Variants in BRDT observed in about 807,000 individuals in gnomAD.
BRDT encodes the protein bromodomain testis associated.
A neutral mutation model predicts 113.9 loss-of-function variants in BRDT; 77 were observed. The observed-to-expected ratio is 0.68, with a 90% CI of 0.56 to 0.82. BRDT has a LOEUF of 0.82. Among genes scored for constraint, BRDT ranks in the 40% least tolerant of loss-of-function variants. The pLI is 0.00. For synonymous variants in BRDT, 358 were observed against 366.5 expected, an observed-to-expected ratio of 0.98 and a Z score of 0.26; for missense variants, 1,027 against 1,105.4, an observed-to-expected ratio of 0.93 and a Z score of 1.01.
intron 4 of BRDT, among the ~76,000 whole-genome samples, chr1:91,969,172 C>T (rs7544958): frequency 0.045 from 6,879 of 151,906 alleles, 180 homozygotes; most frequent in Non-Finnish European, 0.06. Context: ...GATCTCCTGA[C>T]GTCGTGATCT....
In BRDT at chr1:91,992,289, C is replaced by A; in HGVS notation, c.2090C>A (p.Pro697His). The change falls in exon 14 of 19, where the codon CCT becomes CAT. Residue 697 changes from proline to histidine, a missense_variant. Transcript: ENST00000399546. ...AAAATGAAGAATGAATGCATACCGC[C>A]TGAAGGAAGAACAGGCGTCACACAG... ...VKKMKNECIP[P>H]EGRTGVTQIG... The A allele has an allele frequency of 6.6e-7, 1 of 1,511,606 alleles. No individual in the cohort carries two copies. The highest frequency in any genetic ancestry group is 8.9e-7 in the Non-Finnish European group (1 of 1,124,516). The allele number at this position is 1,511,606 out of a possible 1,614,324, so 93.6% of individuals were successfully genotyped here. A position where few individuals can be genotyped will look rare whatever the true frequency, so the allele number is the denominator to read the frequency against.
chr1:91,959,758 C>T (rs754982177), intron 1 of BRDT, among the ~76,000 whole-genome samples: 10 of 152,290 alleles, frequency 6.6e-5, no homozygotes, highest in Admixed American at 2.0e-4. Context: ...TCTGGGATTA[C>T]AGGCATGAGC....
intron 4 of BRDT, among the ~76,000 whole-genome samples, chr1:91,974,471 G>A (rs1484423950): frequency 6.6e-6 from 1 of 152,198 alleles, no homozygotes; most frequent in Non-Finnish European, 1.5e-5. Context: ...AGTGGGTGAA[G>A]GATATGAAGA....
intron 2 of BRDT, among the ~76,000 whole-genome samples, chr1:91,963,313 T>A (rs1682693700): frequency 6.6e-6 from 1 of 152,004 alleles, no homozygotes; most frequent in Admixed American, 6.6e-5. Flanking sequence ...AAACTCCATC[T>A]CCAAAAATAA....
chr1:91,950,684 C>CTTTTTTTTTTTTT (rs67133307), intron 1 of BRDT: 1 of 80,410 alleles, frequency 1.2e-5, no homozygotes, highest in African/African-American at 4.8e-5. Flanking sequence ...TGGATAATTG[C>CTTTTTTTTTTTTT]TTTTTTTTTT....
chr1:91,981,660 G>T lies in BRDT; in HGVS notation c.1907G>T (p.Arg636Leu). 4 of 1,614,056 alleles carry T rather than the reference G, an allele frequency of 2.5e-6. No individual in the cohort carries two copies. The South Asian group carries it at 3.3e-5, about 13-fold the overall frequency. Residue 636 changes from arginine to leucine, a missense_variant, in exon 12 of 19, where the codon CGA becomes CTA. Arg to Leu is a moderately radical substitution (Grantham distance 102, BLOSUM62 -2). Coordinates refer to ENST00000399546, the MANE Select transcript of BRDT (RefSeq NM_207189.4). ...TCCAAAGCTGTTGAAAATGTTTCCC[G>T]ACTGAGTGAGAGCAGCAGCAGCAGC... is the stretch of plus-strand genomic sequence containing the variant. Reference protein sequence around the residue: ...QPSKAVENVSRLSESSSSSSS... With the variant: ...QPSKAVENVSLLSESSSSSSS...
At chr1:91,992,031 A>G (rs2101741389) in intron 13 of BRDT, among the ~76,000 whole-genome samples, 1 of 150,426 alleles carries the variant, frequency 6.6e-6, no homozygotes, top group Non-Finnish European at 1.5e-5. Flanking sequence ...AAAGAAAAAG[A>G]AAAGAACAGA....
intron 1 of BRDT, among the ~76,000 whole-genome samples, chr1:91,951,915 G>A (rs1681135016): frequency 2.0e-5 from 3 of 152,178 alleles, no homozygotes; most frequent in Non-Finnish European, 4.4e-5. Context: ...CAGGCGCAGT[G>A]GCTCATGCCT....
At chr1:91,957,219 G>T (rs1681869917) in intron 1 of BRDT, among the ~76,000 whole-genome samples, 1 of 152,116 alleles carries the variant, frequency 6.6e-6, no homozygotes, top group Non-Finnish European at 1.5e-5. Flanking sequence ...TTTGGCCGGG[G>T]GCAGTGGCTC....
chr1:91,973,032 G>T (rs1314308756), intron 4 of BRDT, among the ~76,000 whole-genome samples: 1 of 152,174 alleles, frequency 6.6e-6, no homozygotes, highest in Non-Finnish European at 1.5e-5. Flanking sequence ...TATATGGGGT[G>T]GTTGAGAAGG....
At chr1:91,985,677 T>C (rs958230011) in intron 12 of BRDT, among the ~76,000 whole-genome samples, 4 of 148,964 alleles carry the variant, frequency 2.7e-5, no homozygotes, top group African/African-American at 1.0e-4. Flanking sequence ...TCTGCTCTTT[T>C]GCCCAGGCTG....
chr1:91,959,897 G>A (rs564503948), intron 1 of BRDT, among the ~76,000 whole-genome samples: 1 of 152,136 alleles, frequency 6.6e-6, no homozygotes, highest in African/African-American at 2.4e-5. Flanking sequence ...AATCTTGGCC[G>A]CACATCAGAA....
chr1:91,972,712 C>T (rs531836527), intron 4 of BRDT, among the ~76,000 whole-genome samples: 131 of 152,278 alleles, frequency 8.6e-4, no homozygotes, highest in African/African-American at 3.0e-3. Flanking sequence ...CTAACTATTC[C>T]TCACTATGCA....
intron 4 of BRDT, 80 bp downstream of exon 4, chr1:91,968,340 A>G: frequency 6.6e-7 from 1 of 1,517,628 alleles, no homozygotes; most frequent in Non-Finnish European, 8.9e-7. Context: ...AAATCCCTCA[A>G]AGGAGACAGA....
intron 18 of BRDT, among the ~76,000 whole-genome samples, chr1:92,005,601 A>G (rs571629790): frequency 1.6e-4 from 25 of 152,290 alleles, no homozygotes; most frequent in Admixed American, 7.2e-4. Flanking sequence ...CTATGATCAC[A>G]CCACTACACT....
chr1:91,964,123 C>T (rs1331419200), intron 2 of BRDT, among the ~76,000 whole-genome samples: 1 of 152,008 alleles, frequency 6.6e-6, no homozygotes, highest in Admixed American at 6.6e-5. Context: ...TGCAGTGGCA[C>T]AATCTTGGCT....
At chr1:91,955,305 AG>A (rs1417586573) in intron 1 of BRDT, among the ~76,000 whole-genome samples, 2 of 152,050 alleles carry the variant, frequency 1.3e-5, no homozygotes, top group African/African-American at 4.8e-5. Context: ...TACAAAAATT[AG>A]CTGGGTGTAG....
At chr1:92,009,915 A>G (rs1687654348) in intron 18 of BRDT, among the ~76,000 whole-genome samples, 1 of 151,988 alleles carries the variant, frequency 6.6e-6, no homozygotes, top group South Asian at 2.1e-4. Context: ...TTAGAACTCT[A>G]GAGCTTTAAT....
intron 15 of BRDT, among the ~76,000 whole-genome samples, chr1:91,994,796 A>G (rs557567227): frequency 7.8e-6 from 1 of 128,274 alleles, no homozygotes; most frequent in South Asian, 2.7e-4. Flanking sequence ...TGAACCCAGG[A>G]GGCGGAGCTT....
Sources: allele counts gnomAD v4.1 joint callset (sites outside exome capture counted in the v4.1 genomes callset), GRCh38; gene constraint gnomAD v4.1.1; transcripts MANE v1.5; gene names NCBI Gene and HGNC (gene_info 2026-07-23, HGNC 2026-07-21).